Variants in TMLHE observed in about 807,000 individuals in gnomAD.
TMLHE encodes trimethyllysine hydroxylase, epsilon, also known as trimethyllysine dioxygenase, mitochondrial.
In TMLHE, 18 loss-of-function variants were observed where a neutral mutation model predicts 25.7. The ratio of observed to expected loss-of-function variants is 0.70; its 90% CI spans 0.48 to 1.04. The LOEUF is 1.04. Ranked by LOEUF, TMLHE falls within the 50% of genes least tolerant of loss-of-function variation. The pLI, the probability that TMLHE is intolerant of heterozygous loss-of-function variation, is 0.00. For synonymous variants in TMLHE, 105 were observed against 97.0 expected (o/e 1.08, Z -0.49); for missense variants, 236 against 259.0 (o/e 0.91, Z 0.61).
At chrX:155,578,819 A>C (rs959330610) in intron 1 of TMLHE, among the ~76,000 whole-genome samples, 2 of 111,433 alleles carry the variant, frequency 1.8e-5, no homozygotes, top group African/African-American at 6.5e-5. Context: ...CTGGGGCCCC[A>C]AAACTGGCAC....
At chrX:155,583,024 G>A (rs2067640933) in intron 1 of TMLHE, among the ~76,000 whole-genome samples, 1 of 111,844 alleles carries the variant, frequency 8.9e-6, no homozygotes, top group Non-Finnish European at 1.9e-5. Context: ...CCTTTGTAGG[G>A]ACCTGGATGA....
intron 2 of TMLHE, among the ~76,000 whole-genome samples, chrX:155,541,356 C>T (rs2067310475): frequency 9.0e-6 from 1 of 111,302 alleles, no homozygotes; most frequent in Non-Finnish European, 1.9e-5. Context: ...TCATCCATGT[C>T]CCTGCAAAGG....
intron 2 of TMLHE, among the ~76,000 whole-genome samples, chrX:155,528,148 G>A (rs782431374): frequency 9.1e-6 from 1 of 110,152 alleles, no homozygotes; most frequent in South Asian, 3.9e-4. Flanking sequence ...TGTTTTAAAG[G>A]ATGTGGGGAA....
rs782640047 is a variant in TMLHE, at chrX:155,536,577, T to C, written c.181+8519A>G. Among the ~76,000 whole-genome samples the C allele has an allele frequency of 3.6e-4, 40 of 111,848 alleles. 1 individual carries two copies. In the Admixed American group the frequency reaches 3.6e-3, roughly 10 times the overall value. On this transcript the variant is annotated intron_variant, in intron 2 of 7. Coordinates refer to ENST00000334398, the MANE Select transcript of TMLHE (RefSeq NM_018196.4). Reference sequence around the variant, plus strand: ...TTGCTGACTGGAATCCATTCTTGCCTTTTCACTTGTAACTTTTCTCCTTGA... The same window carrying C: ...TTGCTGACTGGAATCCATTCTTGCCCTTTCACTTGTAACTTTTCTCCTTGA...
chrX:155,581,618 A>C (rs368200308), intron 1 of TMLHE, among the ~76,000 whole-genome samples: 2 of 111,641 alleles, frequency 1.8e-5, no homozygotes, highest in African/African-American at 6.5e-5. Flanking sequence ...ACTTACAAGG[A>C]ATATGAAGGA....
chrX:155,611,818 T>C (rs948516038), intron 1 of TMLHE, among the ~76,000 whole-genome samples: 10 of 112,145 alleles, frequency 8.9e-5, no homozygotes, highest in Admixed American at 8.5e-4. Context: ...CCATAATGTT[T>C]ATAGTCCTTC....
At chrX:155,505,056 CTACTT>C (rs2067068581) in intron 6 of TMLHE, among the ~76,000 whole-genome samples, 1 of 111,612 alleles carries the variant, frequency 9.0e-6, no homozygotes, top group Non-Finnish European at 1.9e-5. Flanking sequence ...ATATTGAACT[CTACTT>C]AATGATATAA....
At chrX:155,588,786 T>A (rs1397937524) in intron 1 of TMLHE, among the ~76,000 whole-genome samples, 1 of 111,619 alleles carries the variant, frequency 9.0e-6, no homozygotes, top group Non-Finnish European at 1.9e-5. Flanking sequence ...CAATGAGATA[T>A]AATCATACCC....
chrX:155,596,840 C>T (rs1409608549), intron 1 of TMLHE, among the ~76,000 whole-genome samples: 2 of 111,219 alleles, frequency 1.8e-5, no homozygotes, highest in Admixed American at 1.9e-4. Flanking sequence ...TCTAAGTATA[C>T]GAACTCATTG....
chrX:155,586,406 G>T (rs1485015634), intron 1 of TMLHE, among the ~76,000 whole-genome samples: 1 of 111,175 alleles, frequency 9.0e-6, no homozygotes, highest in Non-Finnish European at 1.9e-5. Context: ...GCAATAAATG[G>T]CTACATGAAG....
chrX:155,600,738 C>A (rs2067751197), intron 1 of TMLHE, among the ~76,000 whole-genome samples: 1 of 112,223 alleles, frequency 8.9e-6, no homozygotes, highest in Non-Finnish European at 1.9e-5. Flanking sequence ...AACAGTGCCT[C>A]ACTTATCTAC....
chrX:155,531,853 C>T (rs965340612), intron 2 of TMLHE, among the ~76,000 whole-genome samples: 19 of 111,328 alleles, frequency 1.7e-4, no homozygotes, highest in East Asian at 5.6e-4. Context: ...CCAGTTGTGA[C>T]GACAAAAAAT....
chrX:155,593,609 T>G (rs1461777061), intron 1 of TMLHE, among the ~76,000 whole-genome samples: 2 of 112,252 alleles, frequency 1.8e-5, no homozygotes, highest in African/African-American at 3.2e-5. Context: ...GAGATCTATA[T>G]AATGACTGAC....
chrX:155,504,780 G>A (rs1473487313), intron 6 of TMLHE, among the ~76,000 whole-genome samples: 1 of 111,213 alleles, frequency 9.0e-6, no homozygotes, highest in Non-Finnish European at 1.9e-5. Flanking sequence ...AAACTGGAAA[G>A]AGTCCAGATG....
At chrX:155,549,736 T>C (rs2067400131) in intron 1 of TMLHE, among the ~76,000 whole-genome samples, 1 of 110,160 alleles carries the variant, frequency 9.1e-6, no homozygotes, top group Non-Finnish European at 1.9e-5. Context: ...TGCTGGGTTT[T>C]TAAAATTGTA....
At chrX:155,578,285 C>T (rs2067603840) in intron 1 of TMLHE, among the ~76,000 whole-genome samples, 1 of 111,609 alleles carries the variant, frequency 9.0e-6, no homozygotes, top group African/African-American at 3.3e-5. Context: ...GGAGACAACC[C>T]TGCCCCTGCC....
intron 2 of TMLHE, among the ~76,000 whole-genome samples, chrX:155,528,573 G>C (rs1176997945): frequency 9.0e-6 from 1 of 111,657 alleles, no homozygotes; most frequent in East Asian, 2.8e-4. Flanking sequence ...TTGTAAGTAA[G>C]AACATACAGT....
intron 1 of TMLHE, among the ~76,000 whole-genome samples, chrX:155,580,930 T>A (rs893548582): frequency 8.9e-6 from 1 of 111,929 alleles, no homozygotes; most frequent in Admixed American, 9.5e-5. Flanking sequence ...CTCAATAAAA[T>A]ACTAGCAAAC....
intron 2 of TMLHE, among the ~76,000 whole-genome samples, chrX:155,531,332 C>T (rs1171746935): frequency 8.9e-6 from 1 of 111,823 alleles, no homozygotes; most frequent in Non-Finnish European, 1.9e-5. Context: ...GTGCTGGCAT[C>T]TGCTTCTGGT....
Sources: allele counts gnomAD v4.1 joint callset (sites outside exome capture counted in the v4.1 genomes callset), GRCh38; gene constraint gnomAD v4.1.1; transcripts MANE v1.5; gene names NCBI Gene and HGNC (gene_info 2026-07-23, HGNC 2026-07-21).